Variants in CCND3 observed in about 807,000 individuals in gnomAD.
The protein encoded by CCND3 is G1/S-specific cyclin-D3.
A neutral mutation model predicts 28.7 loss-of-function variants in CCND3; 9 were observed. That is an observed-to-expected ratio of 0.31 (90% CI 0.19 to 0.55). CCND3 has a LOEUF of 0.55. Ranked by LOEUF, CCND3 falls within the 20% of genes least tolerant of loss-of-function variation. The pLI, the probability that CCND3 is intolerant of heterozygous loss-of-function variation, is 0.93. For missense variants in CCND3, 315 were observed against 385.8 expected (o/e 0.82, Z 1.54); for synonymous variants, 164 against 163.9 (o/e 1.00, Z 0.00).
In CCND3 at chr6:42,037,225, C is replaced by T. The variant is rs190817247; in HGVS notation, c.-46+11276G>A. ...AAAGTGTTGGGATTACAGGCGTGAG[C>T]CACTGTGCCCGGCCGTTTTGTTTTT... On this transcript the variant is annotated intron_variant, in intron 1 of 4. Transcript: ENST00000372988. 2.7e-3 allele frequency among the ~76,000 whole-genome samples: 409 copies of T among 151,658 alleles called. 10 individuals carry two copies. Among genetic ancestry groups the T allele is most frequent in the Admixed American group, 0.025 (386 of 15,214 alleles).
intron 1 of CCND3, among the ~76,000 whole-genome samples, chr6:42,043,394 G>A (rs1303186433): frequency 6.6e-6 from 1 of 152,230 alleles, no homozygotes; most frequent in Non-Finnish European, 1.5e-5. Flanking sequence ...GGCAGGGTGT[G>A]GTGGCGGGTG....
rs147298210 is a variant in CCND3, at chr6:42,022,115, A to G, written c.-46+26386T>C. ...GTGTGAGATGAGACAGTATGATCTC[A>G]ATTTTCAGATTGAGTTCCACAAGGC... is the stretch of plus-strand genomic sequence containing the variant. On this transcript the variant is annotated intron_variant, in intron 1 of 4. Coordinates refer to the CCND3 transcript ENST00000372988. Among the ~76,000 whole-genome samples, 504 of 152,326 alleles carry G rather than the reference A, an allele frequency of 3.3e-3. 3 individuals are homozygous for G. The highest frequency in any genetic ancestry group is 0.011 in the African/African-American group (469 of 41,572).
intron 1 of CCND3, among the ~76,000 whole-genome samples, chr6:42,030,489 T>C (rs911642761): frequency 6.6e-6 from 1 of 152,112 alleles, no homozygotes; most frequent in African/African-American, 2.4e-5. Context: ...ATCTGGTACC[T>C]GCTGTCTGTC....
chr6:41,947,980 C>T (rs568985946), intron 1 of CCND3, among the ~76,000 whole-genome samples: 3 of 152,236 alleles, frequency 2.0e-5, no homozygotes, highest in Admixed American at 6.5e-5. Context: ...TCTGGCCACA[C>T]GGTTCATGGA....
At chr6:41,979,527 C>A (rs1762275430) in intron 1 of CCND3, among the ~76,000 whole-genome samples, 1 of 139,470 alleles carries the variant, frequency 7.2e-6, no homozygotes, top group South Asian at 2.3e-4. Context: ...GAGTGAGACT[C>A]CACTTCAAAA....
At chr6:42,009,753 G>T (rs887088113) in intron 1 of CCND3, among the ~76,000 whole-genome samples, 4 of 152,130 alleles carry the variant, frequency 2.6e-5, no homozygotes, top group Admixed American at 6.5e-5. Flanking sequence ...GTTGCAGTGG[G>T]CCAAGATTGT....
rs904028895 is a variant in CCND3 at position 41,938,677 on chromosome 6, T to G, written c.415-1283A>C. Among the ~76,000 whole-genome samples, 5 of 152,150 alleles carry G rather than the reference T, an allele frequency of 3.3e-5. No individual in the cohort carries two copies. The highest frequency in any genetic ancestry group is 1.2e-4 in the African/African-American group (5 of 41,414). ...ACCAGAGAATCCCAGTGTTAACTGG[T>G]GGAGAACACACCCCTGGGAGTGCTT... On this transcript the variant is annotated intron_variant, in intron 2 of 4. Transcript: ENST00000372991. The surrounding 1 kb of genome is among the most constrained non-coding windows in gnomAD (Gnocchi z 4.6).
chr6:41,976,455 A>G (rs1762190343), intron 1 of CCND3, among the ~76,000 whole-genome samples: 1 of 151,876 alleles, frequency 6.6e-6, no homozygotes, highest in South Asian at 2.1e-4. Flanking sequence ...AGTGTGTTGC[A>G]AGCCTGTGCA....
intron 1 of CCND3, among the ~76,000 whole-genome samples, chr6:41,995,420 G>T (rs1201555809): frequency 6.6e-6 from 1 of 151,938 alleles, no homozygotes; most frequent in Non-Finnish European, 1.5e-5. Context: ...ACCACACCCG[G>T]CTAATTTTAG....
At chr6:41,940,074 T>C (rs932030554) in intron 2 of CCND3, among the ~76,000 whole-genome samples, 4 of 152,166 alleles carry the variant, frequency 2.6e-5, no homozygotes, top group African/African-American at 7.2e-5. Context: ...CTAGTGAGTG[T>C]AGACATGCAA....
At chr6:41,987,511 CTCTCTCTGTGTGTGTGTGTGTGTGTG>C (rs1762522255) in intron 1 of CCND3, among the ~76,000 whole-genome samples, 1 of 43,536 alleles carries the variant, frequency 2.3e-5, no homozygotes, top group African/African-American at 2.1e-4. Context: ...CTCTCTCTCT[CTCTCTCTGTGTGTGTGTGTGTGTGTG>C]TGTGTGTGTG....
In CCND3 at chr6:41,964,486, ATG is replaced by A. The variant is rs57170949; in HGVS notation, c.-45-23903_-45-23902del. 3.9e-4 allele frequency among the ~76,000 whole-genome samples: 40 copies of A among 103,132 alleles called. No homozygotes were observed. In the East Asian group the frequency reaches 6.6e-3, roughly 17 times the overall value. The allele number at this position is 103,132 out of a possible 152,430, so 67.7% of individuals were successfully genotyped here. A position where few individuals can be genotyped will look rare whatever the true frequency, so the allele number is the denominator to read the frequency against. On this transcript the variant is annotated intron_variant, in intron 1 of 4. Transcript: ENST00000372988. ...TGAGTGTGTGTGTGAGTGTGTGTGA[ATG>A]TGTGTGTGTGAGTGTGTGTGTGTGT...
intron 1 of CCND3, among the ~76,000 whole-genome samples, chr6:42,030,911 G>C (rs917535965): frequency 6.6e-6 from 1 of 152,130 alleles, no homozygotes; most frequent in Non-Finnish European, 1.5e-5. Flanking sequence ...GGAACACTGA[G>C]TGTGCGTGGA....
chr6:42,007,180 AAAC>A (rs1332576934), intron 1 of CCND3, among the ~76,000 whole-genome samples: 5 of 152,178 alleles, frequency 3.3e-5, no homozygotes, highest in East Asian at 1.9e-4. Context: ...TTAACATTTG[AAAC>A]AACATGTTTT....
chr6:41,985,260 AG>A, intron 1 of CCND3, among the ~76,000 whole-genome samples: 1 of 146,614 alleles, frequency 6.8e-6, no homozygotes, highest in Non-Finnish European at 1.5e-5. Flanking sequence ...TTTCTCCCTA[AG>A]TTTTCTTCCA....
At chr6:42,046,546 T>C (rs1324389834) in intron 1 of CCND3, among the ~76,000 whole-genome samples, 1 of 152,258 alleles carries the variant, frequency 6.6e-6, no homozygotes, top group Non-Finnish European at 1.5e-5. Context: ...TTCTTGAATA[T>C]AATCTTAGTT....
chr6:42,035,927 C>T (rs1009249904), intron 1 of CCND3, among the ~76,000 whole-genome samples: 11 of 152,120 alleles, frequency 7.2e-5, no homozygotes, highest in East Asian at 1.9e-4. Context: ...CCCCCCACCT[C>T]GGCCTCCCAA....
intron 1 of CCND3, among the ~76,000 whole-genome samples, chr6:42,045,483 T>C (rs2127442755): frequency 6.6e-6 from 1 of 152,312 alleles, no homozygotes; most frequent in South Asian, 2.1e-4. Flanking sequence ...CGCAACACCA[T>C]TCAGCTCCTA....
At chr6:41,940,702 A>C in intron 1 of CCND3, 117 bp from the exon 2 acceptor site, 1 of 778,540 alleles carries the variant, frequency 1.3e-6, no homozygotes, top group Non-Finnish European at 2.2e-6. Context: ...AGGGTAAGCT[A>C]CTTAGAGAGA....
Sources: allele counts gnomAD v4.1 joint callset (sites outside exome capture counted in the v4.1 genomes callset), GRCh38; gene constraint gnomAD v4.1.1; non-coding constraint Gnocchi (gnomAD v3.1); transcripts MANE v1.5; gene names NCBI Gene and HGNC (gene_info 2026-07-23, HGNC 2026-07-21).